Variants in U2SURP observed in about 807,000 individuals in gnomAD.
U2SURP encodes U2 snRNP associated SURP domain containing, also known as U2 snRNP-associated SURP motif-containing protein.
In U2SURP, 9 loss-of-function variants were observed where a neutral mutation model predicts 144.9. The ratio of observed to expected loss-of-function variants is 0.06; its 90% CI spans 0.04 to 0.11. The LOEUF is 0.11. U2SURP is among the 10% of genes least tolerant of loss of function. U2SURP has a pLI of 1.00. For synonymous variants in U2SURP, 408 were observed against 396.8 expected (o/e 1.03, Z -0.33); for missense variants, 724 against 1,226.7 (o/e 0.59, Z 6.12).
chr3:143,052,083 T>G (rs924048714), intron 25 of U2SURP, among the ~76,000 whole-genome samples: 1 of 152,010 alleles, frequency 6.6e-6, no homozygotes, highest in Admixed American at 6.6e-5. Flanking sequence ...ATAAATGAGA[T>G]TTTGTAAAAG....
rs1033480489 is a variant in U2SURP at position 143,057,759 on chromosome 3, A to C, written c.*1309A>C. On this transcript the variant is annotated 3_prime_UTR_variant, in exon 28 of 28. Coordinates refer to ENST00000473835, the MANE Select transcript of U2SURP (RefSeq NM_001080415.2). ...AAAAGAGAAAGTAGAAAACTATTCT[A>C]ACAATGGATTATTTTGATTTAGCTT... is the stretch of plus-strand genomic sequence containing the variant. 6.6e-6 allele frequency: 1 copy of C among 151,898 alleles called. No individual in the cohort carries two copies. The highest frequency in any genetic ancestry group is 2.4e-5 in the African/African-American group (1 of 41,412). The allele number at this position is 151,898 out of a possible 1,614,324, so 9.4% of individuals were successfully genotyped here.
At chr3:143,034,798 A>T in intron 18 of U2SURP, 90 bp from the exon 19 acceptor site, 1 of 740,618 alleles carries the variant, frequency 1.4e-6, no homozygotes, top group Non-Finnish European at 2.2e-6. Context: ...AAGTATTTTA[A>T]GTTCAGGAGG....
chr3:143,016,521 T>G lies in U2SURP; in HGVS notation c.436+150T>G. On this transcript the variant is annotated intron_variant, in intron 5 of 27. Coordinates refer to ENST00000473835, the MANE Select transcript of U2SURP (RefSeq NM_001080415.2). ...TACATTTTCTATCAGCACCCTCTAG[T>G]GGTTATTATTAATTAGCAAGATAAA... 7.3e-6 allele frequency: 5 copies of G among 689,310 alleles called. No individual in the cohort carries two copies. In the South Asian group the frequency reaches 1.1e-4, roughly 15 times the overall value. 42.7% of individuals were successfully genotyped at this position (689,310 alleles called of 1,614,324 possible). A position where few individuals can be genotyped will look rare whatever the true frequency, so the allele number is the denominator to read the frequency against.
At position 143,036,917 on chromosome 3, in the gene U2SURP, C is replaced by T. The variant is rs1460863998; in HGVS notation, c.2065-262C>T. On this transcript the variant is annotated intron_variant, in intron 20 of 27. Coordinates refer to ENST00000473835, the MANE Select transcript of U2SURP (RefSeq NM_001080415.2). ...AACAACAGCAAAAACCTTTACCAGG[C>T]TCTATAACAGGGGGACCAAACTTGT... is the stretch of plus-strand genomic sequence containing the variant. 1.6e-5 allele frequency: 7 copies of T among 427,996 alleles called. No individual in the cohort carries two copies. The East Asian group carries it at 2.4e-4, about 15-fold the overall frequency. 26.5% of individuals were successfully genotyped at this position (427,996 alleles called of 1,614,324 possible).
chr3:143,010,019 C>T (rs1196233421), intron 1 of U2SURP, among the ~76,000 whole-genome samples: 2 of 152,188 alleles, frequency 1.3e-5, no homozygotes, highest in East Asian at 3.8e-4. Flanking sequence ...AGCTCAGTGA[C>T]AGTTATATTT....
intron 24 of U2SURP, among the ~76,000 whole-genome samples, chr3:143,050,364 C>T (rs532351042): frequency 2.6e-5 from 4 of 152,288 alleles, no homozygotes; most frequent in South Asian, 2.1e-4. Context: ...TGAGCCACTG[C>T]GCCCGGCCTG....
At position 143,057,932 on chromosome 3, in the gene U2SURP, A is replaced by C. The variant is rs546860200; in HGVS notation, c.*1482A>C. The stretch of plus-strand genomic sequence containing the variant: ...CGGTGCACACCTACAGTAGCTTTGG[A>C]AATGAGCCAATCACTGTTTTACTTA... On this transcript the variant is annotated 3_prime_UTR_variant, in exon 28 of 28. Transcript: ENST00000473835. 11 of 152,538 alleles carry C rather than the reference A, an allele frequency of 7.2e-5. No individual in the cohort carries two copies. Among genetic ancestry groups the C allele is most frequent in the African/African-American group, 2.4e-4 (10 of 41,554 alleles). 9.4% of individuals were successfully genotyped at this position (152,538 alleles called of 1,614,324 possible). A position where few individuals can be genotyped will look rare whatever the true frequency, so the allele number is the denominator to read the frequency against.
At chr3:143,050,008 G>T (rs1448768496) in intron 24 of U2SURP, among the ~76,000 whole-genome samples, 3 of 151,994 alleles carry the variant, frequency 2.0e-5, no homozygotes, top group Non-Finnish European at 4.4e-5. Context: ...ATGCTGCAAT[G>T]AATATCTTGT....
intron 3 of U2SURP, among the ~76,000 whole-genome samples, chr3:143,013,361 A>T (rs1442603584): frequency 6.6e-6 from 1 of 152,060 alleles, no homozygotes; most frequent in African/African-American, 2.4e-5. Flanking sequence ...ATTGACTTTT[A>T]GGTTATAAAC....
intron 6 of U2SURP, 97 bp from the exon 7 acceptor site, chr3:143,019,872 C>A (rs1193305328): frequency 2.8e-5 from 15 of 533,688 alleles, no homozygotes; most frequent in African/African-American, 2.4e-4. Flanking sequence ...TTAGAACATA[C>A]AATTTGTACT....
Position 143,032,957 on chromosome 3 carries a change from G to T in U2SURP, c.1773+11G>T. 1.2e-6 allele frequency: 2 copies of T among 1,604,386 alleles called. No individual in the cohort carries two copies. The highest frequency in any genetic ancestry group is 2.3e-5 in the South Asian group (2 of 88,662). On this transcript the variant is annotated intron_variant, in intron 17 of 27. Coordinates refer to ENST00000473835, the MANE Select transcript of U2SURP (RefSeq NM_001080415.2). The stretch of plus-strand genomic sequence containing the variant: ...CCCCTTCCTAAAAAGGTATGGGAAT[G>T]AATTTTAAGAAAAGGGGAGATAGTT...
At position 143,012,352 on chromosome 3, in the gene U2SURP, G is replaced by A. The variant is rs1936163647; in HGVS notation, c.221G>A (p.Arg74Lys). ...GATTCTCCTCATCAGAATCTCTCAA[G>A]AGTGAGTATAGATAAGATAAGGTAA... ...LCDSPHQNLS[R>K]PLLENKLKAF... The change falls in exon 3 of 28, where the codon AGA becomes AAA. Residue 74 changes from arginine to lysine, a missense_variant and splice_region_variant. Coordinates refer to ENST00000473835, the MANE Select transcript of U2SURP (RefSeq NM_001080415.2). 6.2e-7 allele frequency: 1 copy of A among 1,609,378 alleles called. No individual in the cohort carries two copies. The highest frequency in any genetic ancestry group is 8.5e-7 in the Non-Finnish European group (1 of 1,177,702).
rs188965230 is a variant in U2SURP, at chr3:143,001,789, G to A, written c.45+116G>A. The stretch of plus-strand genomic sequence containing the variant: ...TTGGGGTCTGCATTCTAGTCGCGAC[G>A]GTAGGCCCGGGCGCCGCCGCACCGT... On this transcript the variant is annotated intron_variant, in intron 1 of 27. Transcript: ENST00000473835. The A allele has an allele frequency of 1.4e-3, 1,920 of 1,365,992 alleles. 8 individuals carry two copies. The highest frequency in any genetic ancestry group is 1.1e-3 in the Non-Finnish European group (1,116 of 984,278). 84.6% of individuals were successfully genotyped at this position (1,365,992 alleles called of 1,614,324 possible).
chr3:143,021,161 A>T (rs559043464), intron 8 of U2SURP, among the ~76,000 whole-genome samples, 189 bp from the exon 9 acceptor site: 2 of 152,292 alleles, frequency 1.3e-5, no homozygotes, highest in African/African-American at 4.8e-5. Flanking sequence ...ATTGCACTCC[A>T]GCCTGGGCGA....
intron 18 of U2SURP, among the ~76,000 whole-genome samples, chr3:143,033,703 A>G (rs1444134706): frequency 2.6e-5 from 4 of 152,196 alleles, no homozygotes; most frequent in South Asian, 2.1e-4. Context: ...GCCATTTTCA[A>G]TCAGGAACTT....
chr3:143,010,715 G>A lies in U2SURP; in HGVS notation c.46-100G>A, dbSNP rs868126739. 1.1e-4 allele frequency: 85 copies of A among 792,206 alleles called. 2 individuals carry two copies. In the Middle Eastern group the frequency reaches 2.0e-3, roughly 19 times the overall value. The allele number at this position is 792,206 out of a possible 1,614,324, so 49.1% of individuals were successfully genotyped here. ...CAGTTTTATTAGCTGAGGAGAAATT[G>A]CCAGAAGTTAGGAAACTCTTAAGTT... On this transcript the variant is annotated intron_variant, in intron 1 of 27. Transcript: ENST00000473835.
chr3:143,050,740 CCT>C (rs1934814499), intron 24 of U2SURP, among the ~76,000 whole-genome samples, 197 bp from the exon 25 acceptor site: 4 of 152,058 alleles, frequency 2.6e-5, no homozygotes, highest in Admixed American at 2.6e-4. Context: ...GTTTTTGAGT[CCT>C]CTCATGACCA....
At chr3:143,046,152 T>G (rs1934423454) in intron 24 of U2SURP, among the ~76,000 whole-genome samples, 1 of 151,890 alleles carries the variant, frequency 6.6e-6, no homozygotes, top group Non-Finnish European at 1.5e-5. Context: ...GCTGAACAGT[T>G]TGTAGCATGG....
chr3:143,007,069 A>C (rs534461791), intron 1 of U2SURP, among the ~76,000 whole-genome samples: 1 of 152,228 alleles, frequency 6.6e-6, no homozygotes, highest in Admixed American at 6.5e-5. Flanking sequence ...CCAGCAAGCT[A>C]TAGGGCAACA....
Sources: allele counts gnomAD v4.1 joint callset (sites outside exome capture counted in the v4.1 genomes callset), GRCh38; gene constraint gnomAD v4.1.1; transcripts MANE v1.5; gene names NCBI Gene and HGNC (gene_info 2026-07-23, HGNC 2026-07-21).